Variants in TEX10 observed in about 807,000 individuals in gnomAD.
The protein encoded by TEX10 is testis expressed 10, also known as testis-expressed protein 10.
A neutral mutation model predicts 104.4 loss-of-function variants in TEX10; 24 were observed. The ratio of observed to expected loss-of-function variants is 0.23; its 90% CI spans 0.17 to 0.32. The LOEUF is 0.32. Among genes scored for constraint, TEX10 ranks in the 10% least tolerant of loss-of-function variants. The pLI, the probability that TEX10 is intolerant of heterozygous loss-of-function variation, is 1.00. For missense variants in TEX10, 921 were observed against 1,083.9 expected (o/e 0.85, Z 2.11); for synonymous variants, 396 against 393.4 (o/e 1.01, Z -0.08).
Position 100,308,673 on chromosome 9 carries a change from C to T in TEX10, c.2292G>A (p.Leu764=). The T allele has an allele frequency of 3.7e-6, 6 of 1,601,372 alleles. No individual in the cohort carries two copies. Among genetic ancestry groups the T allele is most frequent in the African/African-American group, 1.3e-5 (1 of 74,286 alleles). Reference sequence around the variant, plus strand: ...CAGCCGTGCTGTCAGGAATTACAGTCAACCCAACCTAAGCAGAGAAAAACG... The same window carrying T: ...CAGCCGTGCTGTCAGGAATTACAGTTAACCCAACCTAAGCAGAGAAAAACG... ...QSAISKHLVG[L]TVIPDSTAGC... The change falls in exon 13 of 15, where the codon TTG becomes TTA. Residue 764 remains leucine, a synonymous_variant. Coordinates refer to ENST00000374902, the MANE Select transcript of TEX10 (RefSeq NM_017746.4).
Position 100,340,450 on chromosome 9 carries a change from T to C in TEX10, c.1138-81A>G. On this transcript the variant is annotated intron_variant, in intron 4 of 14. Transcript: ENST00000374902. The stretch of plus-strand genomic sequence containing the variant: ...TAAAACTTGAAGAGAAATGACAACT[T>C]GTCAAATAAATGTCCCATCATAATT... 9 of 797,120 alleles carry C rather than the reference T, an allele frequency of 1.1e-5. No individual in the cohort carries two copies. The South Asian group carries it at 1.6e-4, about 14-fold the overall frequency. 49.4% of individuals were successfully genotyped at this position (797,120 alleles called of 1,614,324 possible). A position where few individuals can be genotyped will look rare whatever the true frequency, so the allele number is the denominator to read the frequency against.
rs1365874574 is a variant in TEX10 at position 100,329,141 on chromosome 9, T to C, written c.1624A>G (p.Arg542Gly). ...QTEELRSCRF[R>G]YRSKVLSRWL... is the part of the protein sequence containing the mutation. ...AAAGGAAAAATAACAAGATTTTACC[T>C]GAATCTACAAGATCTCAGTTCTTCT... The change falls in exon 7 of 15, where the codon AGA (arginine) becomes GGA (glycine). Residue 542 changes from arginine (R) to glycine (G), a missense_variant and splice_region_variant. Around this residue, in one of 3 missense-constraint regions of TEX10, gnomAD observed 753 missense variants for 868.4 expected, o/e 0.87. Coordinates refer to ENST00000374902, the MANE Select transcript of TEX10 (RefSeq NM_017746.4). 6.3e-7 allele frequency: 1 copy of C among 1,589,150 alleles called. No homozygotes were observed. Among genetic ancestry groups the C allele is most frequent in the Non-Finnish European group, 8.5e-7 (1 of 1,174,372 alleles).
intron 11 of TEX10, among the ~76,000 whole-genome samples, chr9:100,316,213 G>C (rs1564205637): frequency 1.3e-5 from 2 of 152,188 alleles, no homozygotes; most frequent in East Asian, 3.9e-4. Flanking sequence ...TGCAAGAATG[G>C]TTCAGTATAC....
At chr9:100,340,686 A>C (rs1009481838) in intron 4 of TEX10, among the ~76,000 whole-genome samples, 8 of 152,200 alleles carry the variant, frequency 5.3e-5, no homozygotes, top group African/African-American at 1.9e-4. Context: ...AATATACAAG[A>C]AAGTCTTTCT....
chr9:100,336,656 G>A (rs934036014), intron 5 of TEX10, among the ~76,000 whole-genome samples: 14 of 152,052 alleles, frequency 9.2e-5, no homozygotes, highest in African/African-American at 7.2e-5. Flanking sequence ...GAAATAAAGC[G>A]CACAATAAAT....
intron 10 of TEX10, among the ~76,000 whole-genome samples, chr9:100,321,345 A>G (rs1270752870): frequency 6.6e-6 from 1 of 152,204 alleles, no homozygotes; most frequent in Non-Finnish European, 1.5e-5. Flanking sequence ...CAAGTATACA[A>G]TGAAAATATT....
intron 13 of TEX10, chr9:100,304,062 A>C: frequency 1.7e-6 from 1 of 574,124 alleles, no homozygotes; most frequent in Non-Finnish European, 3.1e-6. Flanking sequence ...GATCTCTACA[A>C]GAAAAACTAC....
intron 5 of TEX10, among the ~76,000 whole-genome samples, chr9:100,331,252 A>G (rs1183205444): frequency 6.6e-6 from 1 of 151,690 alleles, no homozygotes; most frequent in South Asian, 2.1e-4. Flanking sequence ...CAGGAGTGAA[A>G]CTCCATCTCA....
chr9:100,322,049 A>G (rs1834584686), intron 9 of TEX10, among the ~76,000 whole-genome samples: 1 of 152,196 alleles, frequency 6.6e-6, no homozygotes, highest in African/African-American at 2.4e-5. Flanking sequence ...CCATCTGAAA[A>G]TCAGACTCTA....
intron 9 of TEX10, 50 bp from the exon 10 acceptor site, chr9:100,321,821 A>T: frequency 8.6e-6 from 12 of 1,396,584 alleles, no homozygotes; most frequent in Non-Finnish European, 1.2e-5. Context: ...AACTTGACAG[A>T]CTTGTCAAAG....
At chr9:100,348,551 T>C (rs1248351063) in intron 2 of TEX10, among the ~76,000 whole-genome samples, 1 of 152,208 alleles carries the variant, frequency 6.6e-6, no homozygotes, top group African/African-American at 2.4e-5. Context: ...GGATTGTATC[T>C]TAATTCGCTA....
intron 11 of TEX10, among the ~76,000 whole-genome samples, chr9:100,314,089 CTTTT>C (rs58128151): frequency 3.3e-5 from 4 of 121,238 alleles, no homozygotes; most frequent in Admixed American, 8.4e-5. Flanking sequence ...GGAGATTTTT[CTTTT>C]TTTTTTTTTT....
rs1409197200 is a variant in TEX10 at position 100,308,537 on chromosome 9, T to C, written c.2428A>G (p.Thr810Ala). ...TGTTCTGCTTCCCCTTTCTCTATAGTGAGCAGAAAATAAAGAAGACTGTAG... is the reference window on the plus strand; with the variant it reads ...TGTTCTGCTTCCCCTTTCTCTATAGCGAGCAGAAAATAAAGAAGACTGTAG... ...CCYSLLYFLL[T>A]IEKGEAEHLR... The change falls in exon 13 of 15, where the codon ACT becomes GCT. Residue 810 changes from threonine (T) to alanine (A), a missense_variant. This residue lies in a region of TEX10 where 753 missense variants were observed against 868.4 expected (regional missense o/e 0.87). Coordinates refer to ENST00000374902, the MANE Select transcript of TEX10 (RefSeq NM_017746.4). The C allele has an allele frequency of 1.2e-6, 2 of 1,610,424 alleles. No homozygotes were observed. The highest frequency in any genetic ancestry group is 2.2e-5 in the East Asian group (1 of 44,838).
chr9:100,327,098 T>C (rs1834724638), intron 8 of TEX10, among the ~76,000 whole-genome samples: 1 of 152,158 alleles, frequency 6.6e-6, no homozygotes, highest in Non-Finnish European at 1.5e-5. Context: ...CCCCATGTTA[T>C]GTAATTCCAA....
intron 5 of TEX10, among the ~76,000 whole-genome samples, chr9:100,333,216 G>A (rs1252855892): frequency 6.6e-6 from 1 of 151,926 alleles, no homozygotes; most frequent in African/African-American, 2.4e-5. Context: ...CACCCGCCTC[G>A]GCCTCCAAAA....
intron 1 of TEX10, among the ~76,000 whole-genome samples, chr9:100,351,378 AAC>A (rs869180091): frequency 2.9e-5 from 4 of 139,098 alleles, no homozygotes; most frequent in South Asian, 2.5e-4. Context: ...AACAAAACAA[AAC>A]AAAAAAAAAA....
rs1474428894 is a variant in TEX10 at position 100,346,143 on chromosome 9, T to C, written c.1066A>G (p.Met356Val). The C allele has an allele frequency of 6.2e-6, 10 of 1,614,050 alleles. No individual in the cohort carries two copies. The highest frequency in any genetic ancestry group is 7.6e-6 in the Non-Finnish European group (9 of 1,179,960). ...GAAATAATATTAAGAACTTGCTGCA[T>C]AACCTGTAGAGGTTCTCGTTCTATA... is the stretch of plus-strand genomic sequence containing the variant. ...NGIEREPLQV[M>V]QQVLNIISLL... The change falls in exon 4 of 15, where the codon ATG becomes GTG. Residue 356 changes from methionine to valine, a missense_variant. Physicochemically the swap from Met to Val is conservative, Grantham distance 21. Around this residue, in one of 3 missense-constraint regions of TEX10, gnomAD observed 753 missense variants for 868.4 expected, o/e 0.87. Transcript: ENST00000374902.
chr9:100,334,473 G>A (rs984900422), intron 5 of TEX10, among the ~76,000 whole-genome samples: 9 of 152,032 alleles, frequency 5.9e-5, no homozygotes, highest in Admixed American at 6.6e-5. Context: ...AACTAAAGAA[G>A]ACTCTAAATG....
intron 5 of TEX10, among the ~76,000 whole-genome samples, chr9:100,334,476 T>C (rs576903450): frequency 6.6e-6 from 1 of 152,036 alleles, no homozygotes; most frequent in East Asian, 1.9e-4. Context: ...TAAAGAAGAC[T>C]CTAAATGATC....
Sources: gnomAD v4.1 joint callset for allele counts (sites outside exome capture counted in the v4.1 genomes callset) on GRCh38, gnomAD v4.1.1 for gene constraint, gnomAD v4.1.1 regional missense constraint, MANE v1.5 for transcripts, NCBI Gene and HGNC (gene_info 2026-07-23, HGNC 2026-07-21) for gene names.